CLCN1: variants seen among roughly 807,000 people sequenced by gnomAD.
The protein encoded by CLCN1 is chloride voltage-gated channel 1.
CLCN1 carries 100 observed loss-of-function variants against 114.5 expected under a neutral mutation model. The ratio of observed to expected loss-of-function variants is 0.87; its 90% CI spans 0.74 to 1.03. CLCN1 has a LOEUF of 1.03. CLCN1 is among the 50% of genes least tolerant of loss of function. The pLI, the probability that CLCN1 is intolerant of heterozygous loss-of-function variation, is 0.00. For synonymous variants in CLCN1, 485 were observed against 487.1 expected (o/e 1.00, Z 0.06); for missense variants, 1,188 against 1,250.0 (o/e 0.95, Z 0.75).
intron 1 of CLCN1, among the ~76,000 whole-genome samples, chr7:143,319,179 C>T (rs757291703): frequency 5.9e-5 from 9 of 152,164 alleles, no homozygotes; most frequent in Non-Finnish European, 1.2e-4. Flanking sequence ...CCTGCCTTTT[C>T]GGGCTAGTTC....
intron 1 of CLCN1, among the ~76,000 whole-genome samples, chr7:143,317,595 A>G (rs1586480815): frequency 6.7e-6 from 1 of 149,630 alleles, no homozygotes; most frequent in East Asian, 1.9e-4. Context: ...TTTTTTTTTA[A>G]CAGGGAGCCT....
chr7:143,320,983 C>T (rs1802414799), intron 3 of CLCN1, among the ~76,000 whole-genome samples, 188 bp downstream of exon 3: 1 of 152,142 alleles, frequency 6.6e-6, no homozygotes, highest in African/African-American at 2.4e-5. Flanking sequence ...TTCTCACGCC[C>T]CTCCACTCAC....
At chr7:143,334,420 A>G (rs1256893114) in intron 12 of CLCN1, among the ~76,000 whole-genome samples, 1 of 152,174 alleles carries the variant, frequency 6.6e-6, no homozygotes, top group Non-Finnish European at 1.5e-5. Flanking sequence ...ATGTTTTCCC[A>G]GGATATGAGT....
rs1802487273 is a variant in CLCN1 at position 143,323,230 on chromosome 7, G to A, written c.697-79G>A. The A allele has an allele frequency of 3.6e-6, 3 of 827,140 alleles. No individual in the cohort carries two copies. In the Admixed American group the frequency reaches 5.1e-5, roughly 14 times the overall value. The allele number at this position is 827,140 out of a possible 1,614,324, so 51.2% of individuals were successfully genotyped here. A position where few individuals can be genotyped will look rare whatever the true frequency, so the allele number is the denominator to read the frequency against. ...GCCCCTGGCACAGTGCCTGGAGTAA[G>A]GAATATTATTAGTCCAGTGAGTGCT... On this transcript the variant is annotated intron_variant, in intron 5 of 22. Transcript: ENST00000343257.
intron 14 of CLCN1, among the ~76,000 whole-genome samples, chr7:143,340,077 A>C (rs994212881): frequency 2.6e-5 from 4 of 152,234 alleles, no homozygotes; most frequent in Admixed American, 2.0e-4. Flanking sequence ...CCATGAAGCA[A>C]GATAGCTGCT....
chr7:143,330,969 T>G (rs1802706742), intron 8 of CLCN1, 72 bp downstream of exon 8: 1 of 1,606,504 alleles, frequency 6.2e-7, no homozygotes. Flanking sequence ...AGGAAAACTC[T>G]GTGGGGCAGT....
At chr7:143,332,603 T>C (rs1802757050) in intron 11 of CLCN1, 100 bp downstream of exon 11, 1 of 1,514,642 alleles carries the variant, frequency 6.6e-7, no homozygotes, top group Non-Finnish European at 9.2e-7. Context: ...ACTTTCTAGA[T>C]TCTCCCTGAG....
intron 14 of CLCN1, among the ~76,000 whole-genome samples, chr7:143,340,748 G>T (rs1211211935): frequency 1.3e-5 from 2 of 152,100 alleles, no homozygotes; most frequent in Non-Finnish European, 2.9e-5. Context: ...GGCCAGGCTG[G>T]TCTCAAACTC....
chr7:143,320,479 C>T (rs1308179454), intron 2 of CLCN1, among the ~76,000 whole-genome samples, 185 bp from the exon 3 acceptor site: 2 of 152,026 alleles, frequency 1.3e-5, no homozygotes, highest in African/African-American at 4.8e-5. Flanking sequence ...GACATACGGA[C>T]CCTGGGGGCC....
chr7:143,338,906 CTAAA>C (rs1802999049), intron 12 of CLCN1, among the ~76,000 whole-genome samples: 1 of 151,942 alleles, frequency 6.6e-6, no homozygotes, highest in African/African-American at 2.4e-5. Context: ...ACTTTCTGGA[CTAAA>C]TGGGTACAAT....
Position 143,350,539 on chromosome 7 carries a change from A to C in CLCN1, c.2509-29A>C. On this transcript the variant is annotated intron_variant, in intron 21 of 22. Coordinates refer to ENST00000343257, the MANE Select transcript of CLCN1 (RefSeq NM_000083.3). The surrounding 1 kb of genome is among the most constrained non-coding windows in gnomAD (Gnocchi z 5.1). ...GCAGGAGAGCTGTGGGGCAAGGAAC[A>C]TGCACTGACCTGTGCTCTTCATCCT... 1 of 1,611,332 alleles carries C rather than the reference A, an allele frequency of 6.2e-7. No individual in the cohort carries two copies.
intron 16 of CLCN1, among the ~76,000 whole-genome samples, chr7:143,344,636 C>T (rs1803175811): frequency 6.6e-6 from 1 of 152,048 alleles, no homozygotes. Context: ...CAGAGCACTG[C>T]TGCAATGTCT....
Position 143,320,690 on chromosome 7 carries a change from G to T in CLCN1, c.328G>T (p.Val110Leu). Residue 110 changes from valine (V) to leucine (L), a missense_variant, in exon 3 of 23, where the codon GTG (valine) becomes TTG (leucine). By Grantham distance (32) the Val-to-Leu change is conservative. Transcript: ENST00000343257. ...TTGTATCCACCGCCTGGGACAGGTG[G>T]TGAGAAGAAAATTAGGGGAAGACGG... ...QDCIHRLGQV[V>L]RRKLGEDGIF... The T allele has an allele frequency of 6.2e-7, 1 of 1,613,662 alleles. No individual in the cohort carries two copies. The highest frequency in any genetic ancestry group is 8.5e-7 in the Non-Finnish European group (1 of 1,179,750).
chr7:143,326,821 A>G (rs1802586870), intron 7 of CLCN1, among the ~76,000 whole-genome samples: 1 of 152,236 alleles, frequency 6.6e-6, no homozygotes, highest in Non-Finnish European at 1.5e-5. Context: ...GCTATGTATA[A>G]GAATATGGAA....
Position 143,346,139 on chromosome 7 carries a change from G to C in CLCN1, c.2173-1G>C. 2 of 1,583,172 alleles carry C rather than the reference G, an allele frequency of 1.3e-6. No individual in the cohort carries two copies. Among genetic ancestry groups the C allele is most frequent in the Non-Finnish European group, 1.7e-6 (2 of 1,152,010 alleles). On this transcript the variant is annotated splice_acceptor_variant, in intron 17 of 22. Coordinates refer to ENST00000343257, the MANE Select transcript of CLCN1 (RefSeq NM_000083.3). LOFTEE classifies it high-confidence loss of function. ...CTGAGACTTCTTACTCTTCCTTACA[G>C]CTTCCTCCTTCCCTTGCTCTCCACC...
intron 5 of CLCN1, 77 bp from the exon 6 acceptor site, chr7:143,323,232 A>C (rs1344692873): frequency 2.4e-6 from 2 of 830,086 alleles, no homozygotes; most frequent in Non-Finnish European, 4.3e-6. Flanking sequence ...TGGAGTAAGG[A>C]ATATTATTAG....
intron 12 of CLCN1, among the ~76,000 whole-genome samples, chr7:143,335,887 C>A (rs1802871310): frequency 6.6e-6 from 1 of 152,030 alleles, no homozygotes; most frequent in Non-Finnish European, 1.5e-5. Flanking sequence ...GTCTCGATCT[C>A]CTTGCCTCAT....
intron 5 of CLCN1, 23 bp from the exon 6 acceptor site, chr7:143,323,285 GC>G: frequency 2.9e-6 from 4 of 1,370,480 alleles, no homozygotes; most frequent in Non-Finnish European, 4.2e-6. Context: ...TCTGACCCCC[GC>G]CCCCTCGCTC....
At position 143,316,166 on chromosome 7, in the gene CLCN1, CA is replaced by C; in HGVS notation, c.-46del. The C allele has an allele frequency of 6.6e-7, 1 of 1,506,346 alleles. No individual in the cohort carries two copies. The highest frequency in any genetic ancestry group is 9.2e-7 in the Non-Finnish European group (1 of 1,086,170). 93.3% of individuals were successfully genotyped at this position (1,506,346 alleles called of 1,614,324 possible). ...TTAAGGAGCTACACTGGGGGAAGGA[CA>C]GGGGCAAGCAGGCCAAGGCCTGGCC... is the stretch of plus-strand genomic sequence containing the variant. On this transcript the variant is annotated 5_prime_UTR_variant, in exon 1 of 23. Transcript: ENST00000343257.
Sources: allele counts gnomAD v4.1 joint callset (sites outside exome capture counted in the v4.1 genomes callset), GRCh38; gene constraint gnomAD v4.1.1; non-coding constraint Gnocchi (gnomAD v3.1); transcripts MANE v1.5; gene names NCBI Gene and HGNC (gene_info 2026-07-23, HGNC 2026-07-21).